NTRK2: variants seen among roughly 807,000 people sequenced by gnomAD.
The protein encoded by NTRK2 is BDNF/NT-3 growth factors receptor.
A neutral mutation model predicts 94.5 loss-of-function variants in NTRK2; 13 were observed. That is an observed-to-expected ratio of 0.14 (90% CI 0.09 to 0.22). NTRK2 has a LOEUF of 0.22. Among genes scored for constraint, NTRK2 ranks in the 10% least tolerant of loss-of-function variants. NTRK2 has a pLI of 1.00. For missense variants in NTRK2, 639 were observed against 1,071.2 expected (o/e 0.60, Z 5.63); for synonymous variants, 372 against 407.4 (o/e 0.91, Z 1.05).
chr9:84,816,174 G>C (rs574180982), intron 12 of NTRK2, among the ~76,000 whole-genome samples: 1 of 152,062 alleles, frequency 6.6e-6, no homozygotes, highest in African/African-American at 2.4e-5. Flanking sequence ...ACTTGAAAGC[G>C]AGAGAGAGGG....
In NTRK2 at chr9:85,025,875, T is replaced by A. The variant is rs930535680; in HGVS notation, c.*4438T>A. On this transcript the variant is annotated 3_prime_UTR_variant, in exon 19 of 19. Transcript: ENST00000277120. ...GTGGAGCCTCTGAGGTTGTGATAGC[T>A]TGTACATGAATTTCAAATGTCATTC... is the stretch of plus-strand genomic sequence containing the variant. 3 of 232,646 alleles carry A rather than the reference T, an allele frequency of 1.3e-5. No homozygotes were observed. Among genetic ancestry groups the A allele is most frequent in the Non-Finnish European group, 2.5e-5 (3 of 117,814 alleles). 14.4% of individuals were successfully genotyped at this position (232,646 alleles called of 1,614,324 possible).
intron 17 of NTRK2, among the ~76,000 whole-genome samples, chr9:84,999,209 C>T (rs1830083214): frequency 6.6e-6 from 1 of 152,140 alleles, no homozygotes; most frequent in Non-Finnish European, 1.5e-5. Context: ...TTTGGTGGCC[C>T]CAAATTAGAG....
At chr9:84,811,701 G>A (rs1293252388) in intron 12 of NTRK2, 1 of 1,065,644 alleles carries the variant, frequency 9.4e-7, no homozygotes, top group Non-Finnish European at 1.1e-6. Context: ...GCAGCAAAGA[G>A]GTGGCAGGTC....
intron 12 of NTRK2, among the ~76,000 whole-genome samples, chr9:84,859,371 C>T (rs2075223922): frequency 6.6e-6 from 1 of 152,166 alleles, no homozygotes; most frequent in Admixed American, 6.5e-5. Context: ...AAAGTGAGAC[C>T]TGGCATAGTG....
At chr9:84,672,641 T>C (rs898276193) in intron 2 of NTRK2, among the ~76,000 whole-genome samples, 3 of 152,138 alleles carry the variant, frequency 2.0e-5, no homozygotes, top group Non-Finnish European at 4.4e-5. Flanking sequence ...TAGATGCATA[T>C]AATGAAGAAA....
intron 14 of NTRK2, among the ~76,000 whole-genome samples, chr9:84,919,460 C>T (rs2077495328): frequency 6.6e-6 from 1 of 152,164 alleles, no homozygotes; most frequent in Admixed American, 6.5e-5. Flanking sequence ...AATTGAAAGG[C>T]CAAGTTTAAG....
At chr9:85,018,521 C>T (rs1431808627) in intron 17 of NTRK2, among the ~76,000 whole-genome samples, 5 of 152,216 alleles carry the variant, frequency 3.3e-5, no homozygotes, top group African/African-American at 9.6e-5. Context: ...ATTCTACCCT[C>T]ATACCGCAAG....
At chr9:84,726,416 G>A (rs1221129369) in intron 8 of NTRK2, among the ~76,000 whole-genome samples, 3 of 152,198 alleles carry the variant, frequency 2.0e-5, no homozygotes, top group Non-Finnish European at 4.4e-5. Flanking sequence ...GAACCTGGGA[G>A]GCAGAGGTTG....
intron 9 of NTRK2, among the ~76,000 whole-genome samples, chr9:84,730,328 G>A (rs2132116827): frequency 6.6e-6 from 1 of 152,290 alleles, no homozygotes; most frequent in South Asian, 2.1e-4. Flanking sequence ...ATTAGAGATT[G>A]ACCCCACTTG....
In NTRK2 at chr9:84,670,973, A is replaced by G. The variant is rs1328147423; in HGVS notation, c.212+13A>G. 6.2e-7 allele frequency: 1 copy of G among 1,601,240 alleles called. No homozygotes were observed. The highest frequency in any genetic ancestry group is 8.5e-7 in the Non-Finnish European group (1 of 1,179,648). On this transcript the variant is annotated intron_variant, in intron 2 of 18. Coordinates refer to ENST00000277120, the MANE Select transcript of NTRK2 (RefSeq NM_006180.6). ...ACATCACCGAAATGTGAGTTCCTGG[A>G]GCTTTTCCTCCTTTTTCTCCTTGCC... is the stretch of plus-strand genomic sequence containing the variant.
chr9:84,940,210 A>G (rs2078358532), intron 15 of NTRK2, among the ~76,000 whole-genome samples: 1 of 152,198 alleles, frequency 6.6e-6, no homozygotes, highest in South Asian at 2.1e-4. Context: ...TAACTAAAAG[A>G]AGGGAGAAAG....
intron 11 of NTRK2, among the ~76,000 whole-genome samples, chr9:84,746,688 T>A (rs1419590803): frequency 1.3e-5 from 2 of 152,126 alleles, no homozygotes. Context: ...GCTTGCCACC[T>A]GCCTTTTTCA....
At position 84,727,928 on chromosome 9, in the gene NTRK2, T is replaced by C; in HGVS notation, c.1128T>C (p.Ala376=). ...GGAAGGATGAGAAACAGATTTCTGC[T>C]CACTTCATGGGCTGGCCTGGAATTG... ...EYGKDEKQIS[A]HFMGWPGIDD... is the part of the protein sequence containing the mutation. Residue 376 remains alanine (A), a synonymous_variant, in exon 9 of 19, where the codon GCT becomes GCC. Transcript: ENST00000277120. 1 of 1,614,172 alleles carries C rather than the reference T, an allele frequency of 6.2e-7. No homozygotes were observed. Among genetic ancestry groups the C allele is most frequent in the African/African-American group, 1.3e-5 (1 of 75,042 alleles).
chr9:84,872,791 G>C, intron 14 of NTRK2: 1 of 1,064,664 alleles, frequency 9.4e-7, no homozygotes, highest in Non-Finnish European at 1.1e-6. Context: ...AATAAGCACA[G>C]ATTCATAGGC....
chr9:84,915,496 C>T (rs769276155), intron 14 of NTRK2, among the ~76,000 whole-genome samples: 6 of 152,190 alleles, frequency 3.9e-5, no homozygotes, highest in Admixed American at 1.3e-4. Flanking sequence ...CACGTGTTCT[C>T]TGCTCAGGCC....
chr9:84,765,667 T>C (rs1425392045), intron 12 of NTRK2, among the ~76,000 whole-genome samples: 1 of 152,138 alleles, frequency 6.6e-6, no homozygotes, highest in Non-Finnish European at 1.5e-5. Context: ...GTTCACTGCT[T>C]GAGCGTGTCA....
chr9:84,998,917 C>T (rs1222369633), intron 17 of NTRK2, among the ~76,000 whole-genome samples: 2 of 152,194 alleles, frequency 1.3e-5, no homozygotes, highest in Non-Finnish European at 2.9e-5. Flanking sequence ...ATGGACTCTT[C>T]TCTGCAGTTG....
chr9:84,841,728 T>C (rs1346089302), intron 12 of NTRK2, among the ~76,000 whole-genome samples: 1 of 152,200 alleles, frequency 6.6e-6, no homozygotes, highest in Non-Finnish European at 1.5e-5. Context: ...CACTTGCCAC[T>C]CTCAGATGTG....
At position 84,727,668 on chromosome 9, in the gene NTRK2, A is replaced by T. The variant is rs200940075; in HGVS notation, c.868A>T (p.Thr290Ser). Reference protein sequence around the residue: ...NLTVHFAPTITFLESPTSDHH... With the variant: ...NLTVHFAPTISFLESPTSDHH... ...TTTCAATTTAGTTGCACCAACTATCACATTTCTCGAATCTCCAACCTCAGA... is the reference window on the plus strand; with the variant it reads ...TTTCAATTTAGTTGCACCAACTATCTCATTTCTCGAATCTCCAACCTCAGA... The change falls in exon 9 of 19, where the codon ACA becomes TCA. Residue 290 changes from threonine to serine, a missense_variant. Physicochemically the swap from Thr to Ser is moderately conservative, Grantham distance 58. Transcript: ENST00000277120. The T allele has an allele frequency of 6.8e-6, 11 of 1,612,522 alleles. No homozygotes were observed. The highest frequency in any genetic ancestry group is 9.3e-6 in the Non-Finnish European group (11 of 1,179,922).
Sources: gnomAD v4.1 joint callset for allele counts (sites outside exome capture counted in the v4.1 genomes callset) on GRCh38, gnomAD v4.1.1 for gene constraint, MANE v1.5 for transcripts, NCBI Gene and HGNC (gene_info 2026-07-23, HGNC 2026-07-21) for gene names.